Variants in CDH12 observed in about 807,000 individuals in gnomAD.
The protein encoded by CDH12 is cadherin 12, also known as cadherin-12.
A neutral mutation model predicts 74.1 loss-of-function variants in CDH12; 41 were observed. The ratio of observed to expected loss-of-function variants is 0.55; its 90% CI spans 0.43 to 0.72. The LOEUF (loss-of-function observed/expected upper bound fraction) is 0.72. CDH12 is among the 30% of genes least tolerant of loss of function. CDH12 has a pLI of 0.00. For synonymous variants in CDH12, 399 were observed against 355.0 expected, an observed-to-expected ratio of 1.12 and a Z score of -1.39; for missense variants, 945 against 977.2, an observed-to-expected ratio of 0.97 and a Z score of 0.44.
At chr5:22,221,603 T>G (rs1475779291) in intron 3 of CDH12, among the ~76,000 whole-genome samples, 1 of 151,888 alleles carries the variant, frequency 6.6e-6, no homozygotes, top group Non-Finnish European at 1.5e-5. Flanking sequence ...ATGCTCCCGC[T>G]AGTAATATAA....
At chr5:22,244,657 G>A (rs994630927) in intron 3 of CDH12, among the ~76,000 whole-genome samples, 1 of 145,402 alleles carries the variant, frequency 6.9e-6, no homozygotes, top group Admixed American at 7.0e-5. Context: ...GAGAGAAAGA[G>A]AGAGGAAAGA....
intron 3 of CDH12, among the ~76,000 whole-genome samples, chr5:22,391,356 A>G (rs1216326983): frequency 6.6e-6 from 1 of 152,232 alleles, no homozygotes; most frequent in Non-Finnish European, 1.5e-5. Context: ...GTCATCTGTT[A>G]GTAATGCATT....
At position 22,720,466 on chromosome 5, in the gene CDH12, G is replaced by A. The variant is rs559574252; in HGVS notation, c.-523+132592C>T. ...GTCTCAGGCAGTTCTGTATAGCAGCGTGAAAATGAACTAATATCGGAAATT... is the reference window on the plus strand; with the variant it reads ...GTCTCAGGCAGTTCTGTATAGCAGCATGAAAATGAACTAATATCGGAAATT... On this transcript the variant is annotated intron_variant, in intron 1 of 14. Transcript: ENST00000382254. Among the ~76,000 whole-genome samples the A allele has an allele frequency of 9.9e-5, 15 of 152,240 alleles. No individual in the cohort carries two copies. The East Asian group carries it at 1.2e-3, about 12-fold the overall frequency.
chr5:22,728,111 T>C (rs1023540053), intron 1 of CDH12, among the ~76,000 whole-genome samples: 1 of 151,822 alleles, frequency 6.6e-6, no homozygotes, highest in African/African-American at 2.4e-5. Context: ...ATTAAATCTC[T>C]TGCAATTTTT....
At chr5:22,328,325 T>C (rs1313809410) in intron 3 of CDH12, among the ~76,000 whole-genome samples, 2 of 152,240 alleles carry the variant, frequency 1.3e-5, no homozygotes, top group Non-Finnish European at 2.9e-5. Context: ...TTTAAAATAT[T>C]ATTTGTTTAA....
chr5:22,328,768 G>A (rs1739227450), intron 3 of CDH12, among the ~76,000 whole-genome samples: 2 of 152,190 alleles, frequency 1.3e-5, no homozygotes, highest in Admixed American at 6.5e-5. Flanking sequence ...AATAGGTTGT[G>A]GTGAGGGAAA....
At position 21,991,391 on chromosome 5, in the gene CDH12, G is replaced by A. The variant is rs1387482769; in HGVS notation, c.232-16006C>T. 2.0e-5 allele frequency among the ~76,000 whole-genome samples: 3 copies of A among 151,234 alleles called. No individual in the cohort carries two copies. The East Asian group carries it at 5.8e-4, about 29-fold the overall frequency. On this transcript the variant is annotated intron_variant, in intron 5 of 14. Coordinates refer to ENST00000382254, the MANE Select transcript of CDH12 (RefSeq NM_004061.5). ...CATGTGTATGAAGATGTTTATATGT[G>A]TTTTATGTGAGAGAAAAAAATGAAA...
chr5:22,214,304 C>G (rs10038911), intron 3 of CDH12, among the ~76,000 whole-genome samples: 138,167 of 152,012 alleles, frequency 0.91, 62,925 homozygotes, highest in East Asian at 1. Flanking sequence ...GGGTGACAGC[C>G]GAATGTGAAG....
chr5:22,162,947 A>T lies in CDH12; in HGVS notation c.-187+49551T>A, dbSNP rs531505389. On this transcript the variant is annotated intron_variant, in intron 4 of 14. Coordinates refer to ENST00000382254, the MANE Select transcript of CDH12 (RefSeq NM_004061.5). ...AGTCTCGCTCTTTCGCCCAGGCAGG[A>T]CTGCAGTGGCGCGATCTCTGCTCAC... Among the ~76,000 whole-genome samples, 26 of 130,644 alleles carry T rather than the reference A, an allele frequency of 2.0e-4. No individual in the cohort carries two copies. The East Asian group carries it at 5.6e-3, about 28-fold the overall frequency. 85.7% of individuals were successfully genotyped at this position (130,644 alleles called of 152,430 possible).
chr5:21,775,655 T>A (rs1348272299), intron 11 of CDH12, among the ~76,000 whole-genome samples: 1 of 152,180 alleles, frequency 6.6e-6, no homozygotes, highest in East Asian at 1.9e-4. Flanking sequence ...TTCTTTTTTT[T>A]AATATTTTAA....
chr5:22,453,645 T>C (rs1745142011), intron 2 of CDH12, among the ~76,000 whole-genome samples: 1 of 152,114 alleles, frequency 6.6e-6, no homozygotes, highest in Admixed American at 6.6e-5. Flanking sequence ...CTAGGAGGAA[T>C]AGATCCTGGT....
At chr5:22,453,246 G>A (rs1266379119) in intron 2 of CDH12, among the ~76,000 whole-genome samples, 3 of 151,932 alleles carry the variant, frequency 2.0e-5, no homozygotes, top group Non-Finnish European at 1.5e-5. Flanking sequence ...TTTTTACAAA[G>A]GAAATGAGAC....
chr5:22,514,192 G>C (rs1024155813), intron 1 of CDH12, among the ~76,000 whole-genome samples: 3 of 151,616 alleles, frequency 2.0e-5, no homozygotes, highest in African/African-American at 7.3e-5. Flanking sequence ...GCCTGAAGTC[G>C]GTCAATTGAC....
At chr5:22,318,914 A>T (rs1026667415) in intron 3 of CDH12, among the ~76,000 whole-genome samples, 1 of 152,150 alleles carries the variant, frequency 6.6e-6, no homozygotes, top group African/African-American at 2.4e-5. Context: ...TTGCTCATCT[A>T]ATGTATGTGT....
chr5:22,710,723 A>G (rs1417903721), intron 1 of CDH12, among the ~76,000 whole-genome samples: 2 of 152,162 alleles, frequency 1.3e-5, no homozygotes, highest in African/African-American at 4.8e-5. Flanking sequence ...AGTCTACTTC[A>G]CAATTAGTTG....
chr5:22,627,280 C>T (rs71609301), intron 1 of CDH12, among the ~76,000 whole-genome samples: 22,407 of 151,848 alleles, frequency 0.15, 2,153 homozygotes, highest in Admixed American at 0.33. Flanking sequence ...CCCCAAGACA[C>T]GTAGTCATCA....
At chr5:21,769,665 T>C (rs1582960) in intron 11 of CDH12, among the ~76,000 whole-genome samples, 111,748 of 151,908 alleles carry the variant, frequency 0.74, 41,843 homozygotes, top group Non-Finnish European at 0.81. Context: ...CCATTGCAAC[T>C]TTTGATAAAC....
At chr5:22,610,906 T>C (rs1737362037) in intron 1 of CDH12, among the ~76,000 whole-genome samples, 1 of 152,112 alleles carries the variant, frequency 6.6e-6, no homozygotes, top group African/African-American at 2.4e-5. Flanking sequence ...ATATACTCTT[T>C]GATAGATGAG....
chr5:22,041,151 A>T lies in CDH12; in HGVS notation c.231+37295T>A, dbSNP rs548716333. On this transcript the variant is annotated intron_variant, in intron 5 of 14. Transcript: ENST00000382254. ...TTTTAACTTTAAGATGTTTTATGTA[A>T]GCCTCATGGAAACCACAAAACACAA... is the stretch of plus-strand genomic sequence containing the variant. 1.5e-4 allele frequency among the ~76,000 whole-genome samples: 23 copies of T among 152,216 alleles called. No homozygotes were observed. The South Asian group carries it at 4.8e-3, about 32-fold the overall frequency.
Sources: allele counts gnomAD v4.1 joint callset (sites outside exome capture counted in the v4.1 genomes callset), GRCh38; gene constraint gnomAD v4.1.1; transcripts MANE v1.5; gene names NCBI Gene and HGNC (gene_info 2026-07-23, HGNC 2026-07-21).